Variants in IGF2 observed in about 807,000 individuals in gnomAD.
The protein encoded by IGF2 is insulin like growth factor 2, also known as insulin-like growth factor 2.
A neutral mutation model predicts 12.0 loss-of-function variants in IGF2; 2 were observed. The ratio of observed to expected loss-of-function variants is 0.17; its 90% CI spans 0.07 to 0.52. The LOEUF (loss-of-function observed/expected upper bound fraction) is 0.52. Among genes scored for constraint, IGF2 ranks in the 20% least tolerant of loss-of-function variants. The probability of loss-of-function intolerance (pLI) is 0.95; values close to 1 mark genes in which losing one functional copy is unlikely to be tolerated. For synonymous variants in IGF2, 105 were observed against 110.1 expected (o/e 0.95, Z 0.29); for missense variants, 211 against 268.0 (o/e 0.79, Z 1.48).
chr11:2,148,081 G>A, the IGF2 span: 1 of 349,820 alleles, frequency 2.9e-6, no homozygotes, highest in Admixed American at 4.8e-5. This position sits in a 1 kb window ranked among gnomAD's most constrained non-coding sequence, Gnocchi z 4.3. Flanking sequence ...TGTTGGACAG[G>A]CTGCCCTGTT....
Position 2,130,266 on chromosome 11 carries a change from CCT to C in IGF2, c.*2719_*2720del, listed in dbSNP as rs1858444671. ...CTGAGGAGACCCTGCCCAACCCCCC[CCT>C]CCGCCCTCAGGACTTCTGGGGACCA... On this transcript the variant is annotated 3_prime_UTR_variant, in exon 4 of 4. Transcript: ENST00000416167. The C allele has an allele frequency of 4.3e-6, 1 of 230,684 alleles. No homozygotes were observed. Among genetic ancestry groups the C allele is most frequent in the Middle Eastern group, 1.3e-3 (1 of 764 alleles). 14.3% of individuals were successfully genotyped at this position (230,684 alleles called of 1,614,324 possible).
upstream of IGF2, chr11:2,140,483 CCGCGCTCCG>C (rs1859492979): frequency 1.7e-6 from 1 of 595,462 alleles, no homozygotes; most frequent in African/African-American, 1.9e-5. Context: ...ATCACTTCGC[CCGCGCTCCG>C]CGCGCGCCTC....
At chr11:2,146,359 G>A in the IGF2 span, 39 of 535,316 alleles carry the variant, frequency 7.3e-5, no homozygotes, top group Middle Eastern at 6.3e-4. Context: ...CCTGCAGGGC[G>A]CCGCAGACGA....
chr11:2,147,496 C>A, the IGF2 span: 3 of 619,466 alleles, frequency 4.8e-6, no homozygotes, highest in Non-Finnish European at 7.0e-6. This position sits in a 1 kb window ranked among gnomAD's most constrained non-coding sequence, Gnocchi z 7.2. Context: ...GGGGGAGATC[C>A]CAGTTCGAAG....
chr11:2,141,162 T>C, upstream of IGF2: 1 of 176,518 alleles, frequency 5.7e-6, no homozygotes, highest in Non-Finnish European at 1.2e-5. Context: ...AAATCCGAGT[T>C]GCTCTGGGGA....
At chr11:2,148,319 C>T in the IGF2 span, 1 of 153,510 alleles carries the variant, frequency 6.5e-6, no homozygotes, top group South Asian at 2.1e-4. This position sits in a 1 kb window ranked among gnomAD's most constrained non-coding sequence, Gnocchi z 4.3. Context: ...AATGAACCCC[C>T]TCCCCACAGA....
intron 2 of IGF2, 99 bp downstream of exon 2, chr11:2,135,268 C>T: frequency 8.9e-7 from 1 of 1,122,622 alleles, no homozygotes; most frequent in Non-Finnish European, 1.2e-6. Context: ...GGCTGGGCTG[C>T]TGACCTAGGA....
At chr11:2,147,631 G>A in the IGF2 span, 7 of 1,243,332 alleles carry the variant, frequency 5.6e-6, no homozygotes, top group Non-Finnish European at 5.0e-6. This position sits in a 1 kb window ranked among gnomAD's most constrained non-coding sequence, Gnocchi z 7.2. Flanking sequence ...GGAGCGCTGG[G>A]GTCGCCTGGG....
At position 2,138,986 on chromosome 11, in the gene IGF2, G is replaced by GA. The variant is rs1859323379; in HGVS notation, c.-765_-764insT. 2 of 980,540 alleles carry GA rather than the reference G, an allele frequency of 2.0e-6. No individual in the cohort carries two copies. The highest frequency in any genetic ancestry group is 9.4e-5 in the South Asian group (2 of 21,172). The allele number at this position is 980,540 out of a possible 1,614,324, so 60.7% of individuals were successfully genotyped here. A position where few individuals can be genotyped will look rare whatever the true frequency, so the allele number is the denominator to read the frequency against. ...GAGGGGGACAGGCGGTGGCGGCACC[G>GA]GGGCCGCTCCGGGACGCAGCGCGGA... On this transcript the variant is annotated 5_prime_UTR_variant, in exon 1 of 4. Coordinates refer to ENST00000416167, the MANE Select transcript of IGF2 (RefSeq NM_000612.6).
intron 1 of IGF2, 67 bp downstream of exon 1, chr11:2,138,162 C>A: frequency 2.1e-6 from 2 of 944,942 alleles, no homozygotes; most frequent in South Asian, 4.9e-5. Flanking sequence ...GAGGAAGGGC[C>A]GGGCGTCCGG....
rs968528767 is a variant in IGF2, at chr11:2,131,760, T to A, written c.*1227A>T. On this transcript the variant is annotated 3_prime_UTR_variant, in exon 4 of 4. Coordinates refer to ENST00000416167, the MANE Select transcript of IGF2 (RefSeq NM_000612.6). ...CGTGTGTGTGCTGTGTGTGCATGTG[T>A]GTGCTGTGTCTTTGTGTGTGTGCTG... 1 of 213,686 alleles carries A rather than the reference T, an allele frequency of 4.7e-6. No individual in the cohort carries two copies. Among genetic ancestry groups the A allele is most frequent in the Non-Finnish European group, 9.3e-6 (1 of 107,752 alleles). The allele number at this position is 213,686 out of a possible 1,614,324, so 13.2% of individuals were successfully genotyped here.
At chr11:2,142,974 GA>G (rs1261902892), upstream of IGF2, among the ~76,000 whole-genome samples, 3 of 152,150 alleles carry the variant, frequency 2.0e-5, no homozygotes, top group African/African-American at 7.2e-5. This position sits in a 1 kb window ranked among gnomAD's most constrained non-coding sequence, Gnocchi z 5.7. Context: ...TAAGGGACCT[GA>G]TTCGTGGCCA....
the IGF2 span, chr11:2,149,263 C>G: frequency 6.2e-7 from 1 of 1,613,748 alleles, no homozygotes; most frequent in Non-Finnish European, 8.5e-7. Context: ...TAGCAGTCAC[C>G]ACCAAAGCAG....
At chr11:2,145,338 C>T (rs1336986854), upstream of IGF2, among the ~76,000 whole-genome samples, 2 of 152,190 alleles carry the variant, frequency 1.3e-5, no homozygotes, top group Non-Finnish European at 2.9e-5. Flanking sequence ...CAAACCTGGT[C>T]CCCGGGAGAG....
the IGF2 span, chr11:2,147,887 G>T: frequency 9.4e-7 from 1 of 1,066,790 alleles, no homozygotes; most frequent in South Asian, 4.7e-5. This position sits in a 1 kb window ranked among gnomAD's most constrained non-coding sequence, Gnocchi z 7.2. Context: ...CCAAGCCTGA[G>T]CCCTGTCCCA....
At position 2,132,504 on chromosome 11, in the gene IGF2, C is replaced by A; in HGVS notation, c.*483G>T. On this transcript the variant is annotated 3_prime_UTR_variant, in exon 4 of 4. Coordinates refer to ENST00000416167, the MANE Select transcript of IGF2 (RefSeq NM_000612.6). ...GAGGGGGGTGGGGAGTGCCAAATTC[C>A]TTTATTTTGCCAATTGTTTCTCAGC... 4.9e-6 allele frequency: 1 copy of A among 202,538 alleles called. No individual in the cohort carries two copies. Among genetic ancestry groups the A allele is most frequent in the Non-Finnish European group, 1.0e-5 (1 of 98,642 alleles). The allele number at this position is 202,538 out of a possible 1,614,324, so 12.5% of individuals were successfully genotyped here.
At chr11:2,137,217 A>T (rs1859131657) in intron 1 of IGF2, 2 of 909,472 alleles carry the variant, frequency 2.2e-6, no homozygotes, top group Non-Finnish European at 2.6e-6. Context: ...TCGCTGGGGC[A>T]GGAGGAGGAG....
At chr11:2,135,748 C>A (rs1196102118) in intron 1 of IGF2, among the ~76,000 whole-genome samples, 1 of 152,234 alleles carries the variant, frequency 6.6e-6, no homozygotes, top group East Asian at 1.9e-4. Flanking sequence ...CAGAAGCACA[C>A]AGAAAAGGCC....
intron 1 of IGF2, among the ~76,000 whole-genome samples, chr11:2,136,365 C>G (rs1447223931): frequency 6.6e-6 from 1 of 152,252 alleles, no homozygotes; most frequent in Non-Finnish European, 1.5e-5. Flanking sequence ...AAACTCTCCC[C>G]GTGGGAGCTG....
Sources: allele counts gnomAD v4.1 joint callset (sites outside exome capture counted in the v4.1 genomes callset), GRCh38; gene constraint gnomAD v4.1.1; non-coding constraint Gnocchi (gnomAD v3.1); transcripts MANE v1.5; gene names NCBI Gene and HGNC (gene_info 2026-07-23, HGNC 2026-07-21).